The following CDH13 variants were observed in gnomAD, a reference collection of about 807,000 sequenced individuals.
CDH13 encodes cadherin 13.
Under a neutral mutation model 63.8 loss-of-function variants are expected in CDH13, and 24 were observed. The ratio of observed to expected loss-of-function variants is 0.38; its 90% CI spans 0.27 to 0.53. The LOEUF (loss-of-function observed/expected upper bound fraction) is 0.53, where lower values mean the gene tolerates loss of function less well. CDH13 is among the 20% of genes least tolerant of loss of function. The pLI, the probability that CDH13 is intolerant of heterozygous loss-of-function variation, is 0.85. For synonymous variants in CDH13, 503 were observed against 355.3 expected (o/e 1.42, Z -4.67); for missense variants, 1,049 against 903.1 (o/e 1.16, Z -2.07).
intron 6 of CDH13, among the ~76,000 whole-genome samples, chr16:83,429,861 G>A (rs770833342): frequency 5.3e-5 from 8 of 152,146 alleles, no homozygotes; most frequent in Non-Finnish European, 5.9e-5. Context: ...CAAGCTATCT[G>A]GAGCTTATTC....
At chr16:83,008,310 G>T (rs1407555747) in intron 2 of CDH13, among the ~76,000 whole-genome samples, 1 of 152,222 alleles carries the variant, frequency 6.6e-6, no homozygotes, top group Non-Finnish European at 1.5e-5. Context: ...AGATAACAAA[G>T]GTGACCTTTG....
At chr16:83,548,597 C>T (rs997268075) in intron 7 of CDH13, among the ~76,000 whole-genome samples, 5 of 152,154 alleles carry the variant, frequency 3.3e-5, no homozygotes, top group African/African-American at 1.2e-4. Flanking sequence ...CCCGGATAGC[C>T]AGTTCTTTTA....
At chr16:82,738,076 A>G (rs1400238513) in intron 1 of CDH13, among the ~76,000 whole-genome samples, 2 of 152,224 alleles carry the variant, frequency 1.3e-5, no homozygotes, top group Non-Finnish European at 2.9e-5. Context: ...TCTAGAGCTT[A>G]CTGATCTTGC....
intron 7 of CDH13, among the ~76,000 whole-genome samples, chr16:83,596,852 A>G (rs1598348014): frequency 6.6e-6 from 1 of 152,322 alleles, no homozygotes; most frequent in East Asian, 1.9e-4. Flanking sequence ...TCCTTGTGAA[A>G]GCAATAATGT....
intron 11 of CDH13, among the ~76,000 whole-genome samples, chr16:83,775,280 C>A (rs541954751): frequency 6.6e-6 from 1 of 151,896 alleles, no homozygotes; most frequent in East Asian, 1.9e-4. Flanking sequence ...TCTGTGGACT[C>A]TTCAGGTATA....
chr16:83,329,727 TG>T (rs1355392129), intron 5 of CDH13, among the ~76,000 whole-genome samples: 2 of 152,218 alleles, frequency 1.3e-5, no homozygotes, highest in Non-Finnish European at 2.9e-5. Context: ...TTTCTATTTC[TG>T]GAAATTTGAT....
chr16:82,866,380 T>TG (rs1567613734), intron 2 of CDH13, among the ~76,000 whole-genome samples: 5 of 27,492 alleles, frequency 1.8e-4, no homozygotes, highest in Non-Finnish European at 3.1e-4. Flanking sequence ...TCTTCTTCTT[T>TG]TTTTTTTTTT....
At chr16:83,262,050 G>A (rs1458754067) in intron 5 of CDH13, among the ~76,000 whole-genome samples, 2 of 152,156 alleles carry the variant, frequency 1.3e-5, no homozygotes, top group African/African-American at 2.4e-5. Context: ...CTGTCTTCAC[G>A]CTGGCACACT....
chr16:82,942,354 G>C (rs1031897685), intron 2 of CDH13, among the ~76,000 whole-genome samples: 1 of 152,036 alleles, frequency 6.6e-6, no homozygotes, highest in African/African-American at 2.4e-5. Flanking sequence ...GTCTTTCCCT[G>C]GTCTTTATAT....
intron 11 of CDH13, among the ~76,000 whole-genome samples, chr16:83,748,935 A>G (rs966484022): frequency 6.6e-6 from 1 of 152,184 alleles, no homozygotes; most frequent in African/African-American, 2.4e-5. Context: ...ACCTCTTAGG[A>G]GAGTGCATGG....
At chr16:83,295,630 C>T (rs1009717801) in intron 5 of CDH13, among the ~76,000 whole-genome samples, 5 of 138,012 alleles carry the variant, frequency 3.6e-5, no homozygotes, top group African/African-American at 9.9e-5. Context: ...TGAGATATCA[C>T]CTCATACCTG....
intron 1 of CDH13, among the ~76,000 whole-genome samples, chr16:82,827,165 A>G (rs1427496495): frequency 2.0e-5 from 3 of 152,226 alleles, no homozygotes; most frequent in Non-Finnish European, 2.9e-5. Context: ...TTAATATAGT[A>G]AAATGTAGTT....
intron 1 of CDH13, among the ~76,000 whole-genome samples, chr16:82,725,340 G>A (rs1305046651): frequency 6.6e-6 from 1 of 152,182 alleles, no homozygotes; most frequent in East Asian, 1.9e-4. Context: ...CATAAAAGAT[G>A]TCTTGGCTTA....
chr16:83,194,215 A>G (rs1455401098), intron 4 of CDH13, among the ~76,000 whole-genome samples: 1 of 152,232 alleles, frequency 6.6e-6, no homozygotes, highest in Non-Finnish European at 1.5e-5. Context: ...CTAGGTACAC[A>G]TAGGGACATG....
intron 1 of CDH13, among the ~76,000 whole-genome samples, chr16:82,838,059 C>T (rs1054278426): frequency 6.6e-6 from 1 of 152,186 alleles, no homozygotes; most frequent in Non-Finnish European, 1.5e-5. Context: ...TGACATTCCT[C>T]CCATCACCCC....
intron 7 of CDH13, among the ~76,000 whole-genome samples, chr16:83,496,197 G>A (rs1415369229): frequency 4.0e-5 from 6 of 151,844 alleles, no homozygotes; most frequent in African/African-American, 9.7e-5. Flanking sequence ...AGCCCGCATC[G>A]CCAAGTCAAT....
At chr16:83,558,074 A>C (rs1054538955) in intron 7 of CDH13, among the ~76,000 whole-genome samples, 1 of 152,190 alleles carries the variant, frequency 6.6e-6, no homozygotes, top group Non-Finnish European at 1.5e-5. Context: ...CACACAGTCT[A>C]CAGGGCTCAT....
chr16:82,813,423 A>AT (rs1820095814), intron 1 of CDH13, among the ~76,000 whole-genome samples: 2 of 152,166 alleles, frequency 1.3e-5, no homozygotes, highest in Admixed American at 1.3e-4. Context: ...AGATGCAGAT[A>AT]TTAAAACCTT....
rs1414479308 is a variant in CDH13 at position 83,316,065 on chromosome 16, A to G, written c.637-28797A>G. On this transcript the variant is annotated intron_variant, in intron 5 of 13. Coordinates refer to ENST00000567109, the MANE Select transcript of CDH13 (RefSeq NM_001257.5). Reference sequence around the variant, plus strand: ...ACAATCATGGTGGAAGGGGAAGGAAACACGTCCTTCACATGGTGGCAGGAG... The same window carrying G: ...ACAATCATGGTGGAAGGGGAAGGAAGCACGTCCTTCACATGGTGGCAGGAG... 3.3e-5 allele frequency among the ~76,000 whole-genome samples: 5 copies of G among 152,150 alleles called. No homozygotes were observed. The East Asian group carries it at 7.7e-4, about 24-fold the overall frequency.
Sources: gnomAD v4.1 joint callset for allele counts (sites outside exome capture counted in the v4.1 genomes callset) on GRCh38, gnomAD v4.1.1 for gene constraint, MANE v1.5 for transcripts, NCBI Gene and HGNC (gene_info 2026-07-23, HGNC 2026-07-21) for gene names.